PMPCA: variants seen among roughly 807,000 people sequenced by gnomAD.
PMPCA encodes mitochondrial-processing peptidase subunit alpha.
A neutral mutation model predicts 59.3 loss-of-function variants in PMPCA; 47 were observed. The ratio of observed to expected loss-of-function variants is 0.79; its 90% CI spans 0.63 to 1.01. The LOEUF (loss-of-function observed/expected upper bound fraction) is 1.01, where lower values mean the gene tolerates loss of function less well. PMPCA is among the 50% of genes least tolerant of loss of function. The pLI is 0.00. For synonymous variants in PMPCA, 338 were observed against 290.3 expected (o/e 1.16, Z -1.67); for missense variants, 726 against 704.5 (o/e 1.03, Z -0.34).
chr9:136,412,811 C>G lies in PMPCA; in HGVS notation c.356C>G (p.Ser119Cys). The G allele has an allele frequency of 6.3e-7, 1 of 1,579,730 alleles. No homozygotes were observed. The highest frequency in any genetic ancestry group is 8.7e-7 in the Non-Finnish European group (1 of 1,148,854). The change falls in exon 4 of 13, where the codon TCT becomes TGT. Residue 119 changes from serine to cysteine, a missense_variant and splice_region_variant. Ser to Cys is a moderately radical substitution (Grantham distance 112, BLOSUM62 -1). Transcript: ENST00000371717. ...AHFLEKLAFSSTARFDSKDEI... is the reference protein window; with the variant it reads ...AHFLEKLAFSCTARFDSKDEI... ...GGTTTCCTTATTTATTTTTACTAGT[C>G]TACTGCTCGATTTGACAGCAAAGAT...
intron 11 of PMPCA, among the ~76,000 whole-genome samples, chr9:136,421,186 G>T (rs577037571): frequency 6.6e-6 from 1 of 152,346 alleles, no homozygotes; most frequent in East Asian, 1.9e-4. Flanking sequence ...TGTTTTCCCC[G>T]ATTTTGCCGT....
At chr9:136,421,404 G>GTTTT (rs57128281) in intron 11 of PMPCA, among the ~76,000 whole-genome samples, 11 of 118,002 alleles carry the variant, frequency 9.3e-5, no homozygotes, top group East Asian at 2.6e-4. Flanking sequence ...CTGGGTTCCC[G>GTTTT]TTTTTTTTTT....
chr9:136,412,005 C>G lies in PMPCA; in HGVS notation c.80C>G (p.Pro27Arg). Residue 27 changes from proline (P) to arginine (R), a missense_variant, in exon 2 of 13, where the codon CCT becomes CGT. Pro to Arg is a moderately radical substitution (Grantham distance 103). Transcript: ENST00000371717. ...CGCTTTCTCTGTTTTAGGTTTGGAC[C>G]TCCTGCGTACAGACGGTTTAGTAGT... ...SWGCSRLRFG[P>R]PAYRRFSSGG... 6.2e-7 allele frequency: 1 copy of G among 1,609,000 alleles called. No homozygotes were observed. The highest frequency in any genetic ancestry group is 8.5e-7 in the Non-Finnish European group (1 of 1,175,700).
In PMPCA at chr9:136,414,546, C is replaced by T; in HGVS notation, c.438-7C>T. ...GCCTGGCATTATGGGCTTGTGTTTT[C>T]TTCCAGAGACACCACCATGTATGCT... On this transcript the variant is annotated splice_polypyrimidine_tract_variant and splice_region_variant and intron_variant, in intron 4 of 12. Coordinates refer to ENST00000371717, the MANE Select transcript of PMPCA (RefSeq NM_015160.3). The T allele has an allele frequency of 2.5e-6, 4 of 1,599,010 alleles. No homozygotes were observed. The highest frequency in any genetic ancestry group is 3.4e-6 in the Non-Finnish European group (4 of 1,166,470).
chr9:136,420,955 A>G (rs956405540), intron 11 of PMPCA: 1 of 151,610 alleles, frequency 6.6e-6, no homozygotes, highest in Non-Finnish European at 1.5e-5. Context: ...AAAGTGTAGC[A>G]TCTCTGCGGC....
chr9:136,414,701 G>A, intron 5 of PMPCA, 54 bp downstream of exon 5: 7 of 1,176,012 alleles, frequency 6.0e-6, no homozygotes, highest in Non-Finnish European at 9.0e-6. Context: ...GGGAAGACCG[G>A]AAAGGTTTGC....
intron 4 of PMPCA, among the ~76,000 whole-genome samples, chr9:136,413,841 C>T (rs1835200682): frequency 6.6e-6 from 1 of 152,222 alleles, no homozygotes; most frequent in Non-Finnish European, 1.5e-5. Flanking sequence ...GGGTGAAGGT[C>T]CAGCCAAGTC....
Position 136,423,136 on chromosome 9 carries a change from A to G in PMPCA, c.1450A>G (p.Met484Val). ...PEDVKRVASK[M>V]LRGKPAVAAL... ...AGATGTGAAGAGAGTCGCTTCTAAGATGCTCCGAGGGAAGCCGGCAGTGGC... is the reference window on the plus strand; with the variant it reads ...AGATGTGAAGAGAGTCGCTTCTAAGGTGCTCCGAGGGAAGCCGGCAGTGGC... Residue 484 changes from methionine to valine, a missense_variant, in exon 13 of 13, where the codon ATG becomes GTG. Met to Val is a conservative substitution (Grantham distance 21). Transcript: ENST00000371717. The G allele has an allele frequency of 1.2e-6, 2 of 1,613,610 alleles. No individual in the cohort carries two copies. Among genetic ancestry groups the G allele is most frequent in the Non-Finnish European group, 1.7e-6 (2 of 1,179,986 alleles).
At chr9:136,421,807 T>A in intron 11 of PMPCA, 25 bp from the exon 12 acceptor site, 1 of 1,564,670 alleles carries the variant, frequency 6.4e-7, no homozygotes, top group Non-Finnish European at 8.7e-7. Flanking sequence ...GGGTGTGTGC[T>A]CACCTGACTG....
At position 136,414,547 on chromosome 9, in the gene PMPCA, T is replaced by C; in HGVS notation, c.438-6T>C. 1 of 1,600,928 alleles carries C rather than the reference T, an allele frequency of 6.2e-7. No homozygotes were observed. On this transcript the variant is annotated splice_polypyrimidine_tract_variant and splice_region_variant and intron_variant, in intron 4 of 12. Transcript: ENST00000371717. ...CCTGGCATTATGGGCTTGTGTTTTCTTCCAGAGACACCACCATGTATGCTG... is the reference window on the plus strand; with the variant it reads ...CCTGGCATTATGGGCTTGTGTTTTCCTCCAGAGACACCACCATGTATGCTG...
chr9:136,416,790 TATAAATACGCACGCAGCTGC>T, intron 6 of PMPCA, 141 bp from the exon 7 acceptor site: 2 of 629,408 alleles, frequency 3.2e-6, no homozygotes, highest in Non-Finnish European at 5.6e-6. Context: ...TTTTACTCTT[TATAAATACGCACGCAGCTGC>T]TATTGCCAGA....
At chr9:136,411,966 T>G (rs762953178) in intron 1 of PMPCA, 31 bp from the exon 2 acceptor site, 2 of 1,383,364 alleles carry the variant, frequency 1.4e-6, no homozygotes, top group South Asian at 2.4e-5. Flanking sequence ...GTCTCAAGCC[T>G]GTTGTAACTG....
chr9:136,416,009 T>G (rs1835262895), intron 5 of PMPCA: 3 of 532,206 alleles, frequency 5.6e-6, no homozygotes, highest in Non-Finnish European at 1.0e-5. Flanking sequence ...AGGTCCAGTG[T>G]CTTCGGTGCC....
Position 136,416,240 on chromosome 9 carries a change from C to A in PMPCA, c.533-51C>A, listed in dbSNP as rs764836921. On this transcript the variant is annotated intron_variant, in intron 5 of 12. Transcript: ENST00000371717. ...ACAAGCTGTGGGTCACTGCTGTGTT[C>A]CTCATCTCTGCCTGTGCAGACTCAG... The A allele has an allele frequency of 4.5e-6, 6 of 1,332,266 alleles. No homozygotes were observed. In the Admixed American group the frequency reaches 6.8e-5, roughly 15 times the overall value. 82.5% of individuals were successfully genotyped at this position (1,332,266 alleles called of 1,614,324 possible). A position where few individuals can be genotyped will look rare whatever the true frequency, so the allele number is the denominator to read the frequency against.
intron 11 of PMPCA, chr9:136,420,327 C>T (rs1835414669): frequency 6.6e-6 from 1 of 152,086 alleles, no homozygotes; most frequent in Non-Finnish European, 1.5e-5. Flanking sequence ...ACCACCACAC[C>T]TGGCTAATTT....
chr9:136,421,753 C>T (rs1286454789), intron 11 of PMPCA, 79 bp from the exon 12 acceptor site: 13 of 1,331,542 alleles, frequency 9.8e-6, no homozygotes, highest in East Asian at 2.3e-5. Flanking sequence ...ACAGAGATGG[C>T]GTTTTGCCAT....
At chr9:136,422,630 C>T (rs897205269) in intron 12 of PMPCA, 81 of 1,007,780 alleles carry the variant, frequency 8.0e-5, no homozygotes, top group Non-Finnish European at 9.5e-5. Flanking sequence ...AATCCTCAAG[C>T]GAGTGTCCAG....
rs1835073657 is a variant in PMPCA, at chr9:136,410,747, A to G, written c.71+8A>G. ...GGGCTGTTCGCGGCTGAGGTGAGCC[A>G]AAGGCGAACCAGGCTTCGGCCTGGG... is the stretch of plus-strand genomic sequence containing the variant. On this transcript the variant is annotated splice_region_variant and intron_variant, in intron 1 of 12. Coordinates refer to ENST00000371717, the MANE Select transcript of PMPCA (RefSeq NM_015160.3). 1 of 1,405,840 alleles carries G rather than the reference A, an allele frequency of 7.1e-7. No homozygotes were observed. Among genetic ancestry groups the G allele is most frequent in the Non-Finnish European group, 9.2e-7 (1 of 1,085,276 alleles). 87.1% of individuals were successfully genotyped at this position (1,405,840 alleles called of 1,614,324 possible). A position where few individuals can be genotyped will look rare whatever the true frequency, so the allele number is the denominator to read the frequency against.
Position 136,416,280 on chromosome 9 carries a change from T to C in PMPCA, c.533-11T>C, listed in dbSNP as rs1431096191. 1 of 1,605,906 alleles carries C rather than the reference T, an allele frequency of 6.2e-7. No individual in the cohort carries two copies. The highest frequency in any genetic ancestry group is 1.9e-4 in the Middle Eastern group (1 of 5,298). ...TGCAGACTCAGCCCTGGCCTTTGGG[T>C]TCTCTTGCAGATGAAGAAGTCGAGA... On this transcript the variant is annotated splice_polypyrimidine_tract_variant and intron_variant, in intron 5 of 12. Coordinates refer to ENST00000371717, the MANE Select transcript of PMPCA (RefSeq NM_015160.3).
Sources: allele counts gnomAD v4.1 joint callset (sites outside exome capture counted in the v4.1 genomes callset), GRCh38; gene constraint gnomAD v4.1.1; transcripts MANE v1.5; gene names NCBI Gene and HGNC (gene_info 2026-07-23, HGNC 2026-07-21).